The following GALNTL6 variants were observed in gnomAD, a reference collection of about 807,000 sequenced individuals.
GALNTL6 encodes polypeptide N-acetylgalactosaminyltransferase like 6, also known as polypeptide N-acetylgalactosaminyltransferase-like 6.
In GALNTL6, 46 loss-of-function variants were observed where a neutral mutation model predicts 73.7. The ratio of observed to expected loss-of-function variants is 0.62; its 90% CI spans 0.49 to 0.80. GALNTL6 has a LOEUF of 0.80. Ranked by LOEUF, GALNTL6 falls within the 30% of genes least tolerant of loss-of-function variation. The pLI is 0.00. For missense variants in GALNTL6, 604 were observed against 755.0 expected (o/e 0.80, Z 2.34); for synonymous variants, 259 against 263.7 (o/e 0.98, Z 0.17).
intron 7 of GALNTL6, among the ~76,000 whole-genome samples, chr4:172,831,518 TAAA>T (rs1389466705): frequency 6.6e-6 from 1 of 151,632 alleles, no homozygotes; most frequent in African/African-American, 2.4e-5. Flanking sequence ...TCAGCACAAA[TAAA>T]GAAAGGTGGT....
intron 5 of GALNTL6, among the ~76,000 whole-genome samples, chr4:172,487,185 A>T (rs778613908): frequency 1.3e-5 from 2 of 152,012 alleles, no homozygotes; most frequent in South Asian, 4.2e-4. Context: ...AAAAGTGAAA[A>T]TCTTCATTTT....
At chr4:172,913,877 A>G (rs1027457493) in intron 8 of GALNTL6, among the ~76,000 whole-genome samples, 1 of 152,220 alleles carries the variant, frequency 6.6e-6, no homozygotes, top group Non-Finnish European at 1.5e-5. Context: ...ATTCAAATTC[A>G]GGAAATACAG....
intron 7 of GALNTL6, among the ~76,000 whole-genome samples, chr4:172,825,053 T>TATC (rs1742165114): frequency 1.5e-5 from 1 of 68,380 alleles, no homozygotes; most frequent in Non-Finnish European, 4.2e-5. Flanking sequence ...ACAATTCTTT[T>TATC]TTCTTTTTTT....
intron 2 of GALNTL6, among the ~76,000 whole-genome samples, chr4:172,110,689 C>T (rs575592960): frequency 2.0e-5 from 3 of 152,136 alleles, no homozygotes; most frequent in South Asian, 4.2e-4. Flanking sequence ...CTTTCTATGC[C>T]GAATTCCATA....
intron 5 of GALNTL6, among the ~76,000 whole-genome samples, chr4:172,413,768 A>G (rs1744527920): frequency 1.3e-5 from 2 of 152,072 alleles, no homozygotes; most frequent in Admixed American, 6.6e-5. Context: ...AGTGCTCAAT[A>G]AATTACATGC....
chr4:172,713,713 T>C (rs1016530193), intron 5 of GALNTL6, among the ~76,000 whole-genome samples: 6 of 152,172 alleles, frequency 3.9e-5, no homozygotes, highest in Non-Finnish European at 7.3e-5. Context: ...CCTATGCCCA[T>C]TCTTCTCTCT....
intron 11 of GALNTL6, 53 bp downstream of exon 11, chr4:173,009,347 A>G (rs1338251369): frequency 9.7e-7 from 1 of 1,033,064 alleles, no homozygotes; most frequent in African/African-American, 1.6e-5. Flanking sequence ...GGGCTGATGC[A>G]GACACAGAGG....
At chr4:172,930,841 T>C (rs1212273060) in intron 8 of GALNTL6, among the ~76,000 whole-genome samples, 1 of 152,104 alleles carries the variant, frequency 6.6e-6, no homozygotes, top group Non-Finnish European at 1.5e-5. Flanking sequence ...ATTTTTGTAT[T>C]TTTTGTAGAA....
intron 5 of GALNTL6, among the ~76,000 whole-genome samples, chr4:172,547,840 G>T (rs780486796): frequency 3.3e-5 from 5 of 152,140 alleles, no homozygotes; most frequent in Non-Finnish European, 7.4e-5. Flanking sequence ...GCTGCCCACT[G>T]TGCTAAGTCA....
At chr4:172,624,228 G>A (rs1232534135) in intron 5 of GALNTL6, among the ~76,000 whole-genome samples, 1 of 151,970 alleles carries the variant, frequency 6.6e-6, no homozygotes, top group Non-Finnish European at 1.5e-5. Flanking sequence ...ATGATCAAAT[G>A]CAGAACTTAA....
intron 2 of GALNTL6, among the ~76,000 whole-genome samples, chr4:171,930,209 C>T (rs996596857): frequency 2.6e-5 from 4 of 152,246 alleles, no homozygotes; most frequent in African/African-American, 9.6e-5. Context: ...CCAATACATG[C>T]CCAGTCCAAC....
intron 5 of GALNTL6, among the ~76,000 whole-genome samples, chr4:172,735,235 C>T (rs1171692971): frequency 6.6e-6 from 1 of 152,200 alleles, no homozygotes; most frequent in Non-Finnish European, 1.5e-5. Context: ...TGCAAAGCCA[C>T]AGGGGCAGAG....
intron 5 of GALNTL6, among the ~76,000 whole-genome samples, chr4:172,767,667 C>T (rs66671358): frequency 0.16 from 18,516 of 116,836 alleles, 966 homozygotes; most frequent in Middle Eastern, 0.32. Context: ...GATTTTTTTT[C>T]TTTTTTTTTT....
At chr4:172,928,920 G>A (rs999440308) in intron 8 of GALNTL6, among the ~76,000 whole-genome samples, 1 of 152,142 alleles carries the variant, frequency 6.6e-6, no homozygotes, top group Non-Finnish European at 1.5e-5. Flanking sequence ...ATTCTCCATA[G>A]TATGTTAATG....
chr4:172,725,990 T>G (rs1357716622), intron 5 of GALNTL6, among the ~76,000 whole-genome samples: 2 of 152,212 alleles, frequency 1.3e-5, no homozygotes, highest in East Asian at 3.9e-4. Flanking sequence ...TTTCAATGAT[T>G]ATAATTGAGG....
chr4:172,914,713 T>C (rs1747406751), intron 8 of GALNTL6, among the ~76,000 whole-genome samples: 2 of 152,218 alleles, frequency 1.3e-5, no homozygotes, highest in South Asian at 2.1e-4. Flanking sequence ...CCTAAATGTA[T>C]ATGCACCCAA....
chr4:172,248,622 C>T (rs1177983245), intron 3 of GALNTL6, among the ~76,000 whole-genome samples: 1 of 152,096 alleles, frequency 6.6e-6, no homozygotes, highest in Non-Finnish European at 1.5e-5. Context: ...GTGTCCCCAC[C>T]CAAAGCTCAT....
At chr4:172,922,729 A>C (rs571746744) in intron 8 of GALNTL6, among the ~76,000 whole-genome samples, 3 of 152,352 alleles carry the variant, frequency 2.0e-5, no homozygotes, top group Non-Finnish European at 4.4e-5. Flanking sequence ...CTACTCCACA[A>C]ATATTTATTG....
chr4:172,886,272 T>C lies in GALNTL6; in HGVS notation c.1041+3365T>C, dbSNP rs142321708. Among the ~76,000 whole-genome samples, 588 of 152,290 alleles carry C rather than the reference T, an allele frequency of 3.9e-3. 2 individuals carry two copies. The highest frequency in any genetic ancestry group is 0.013 in the African/African-American group (559 of 41,560). On this transcript the variant is annotated intron_variant, in intron 8 of 12. Coordinates refer to ENST00000506823, the MANE Select transcript of GALNTL6 (RefSeq NM_001034845.3). The stretch of plus-strand genomic sequence containing the variant: ...TTCTTCATGGTTCAATCTTCATAGG[T>C]TGTGTATTTACAAGAATTTATCTAC...
Sources: gnomAD v4.1 joint callset for allele counts (sites outside exome capture counted in the v4.1 genomes callset) on GRCh38, gnomAD v4.1.1 for gene constraint, MANE v1.5 for transcripts, NCBI Gene and HGNC (gene_info 2026-07-23, HGNC 2026-07-21) for gene names.